C10orf67: variants seen among roughly 807,000 people sequenced by gnomAD.
C10orf67 encodes the protein chromosome 10 open reading frame 67, also known as uncharacterized protein C10orf67, mitochondrial.
C10orf67 carries 60 observed loss-of-function variants against 35.6 expected under a neutral mutation model. That is an observed-to-expected ratio of 1.68 (90% confidence interval 1.37 to 2.09). The LOEUF is 2.09. Among genes scored for constraint, C10orf67 ranks in the 30% most tolerant of loss-of-function variants. C10orf67 has a pLI of 0.00. For synonymous variants in C10orf67, 167 were observed against 115.8 expected, an observed-to-expected ratio of 1.44 and a Z score of -2.84; for missense variants, 474 against 330.2, an observed-to-expected ratio of 1.44 and a Z score of -3.38.
intron 1 of C10orf67, among the ~76,000 whole-genome samples, chr10:23,335,006 T>C (rs968470031): frequency 1.3e-5 from 2 of 152,084 alleles, no homozygotes; most frequent in Non-Finnish European, 2.9e-5. Flanking sequence ...CTGGCCAATA[T>C]GGCAAAACCC....
At position 23,206,147 on chromosome 10, in the gene C10orf67, G is replaced by A. The variant is rs117256859; in HGVS notation, c.1571-1892C>T. ...ACCTTTCACAGACCCTAAGGCAGTG[G>A]GAGGGAGCTCTTTACTAAACCGTGT... On this transcript the variant is annotated intron_variant, in intron 15 of 15. Transcript: ENST00000636213. Among the ~76,000 whole-genome samples, 312 of 152,292 alleles carry A rather than the reference G, an allele frequency of 2.0e-3. 1 individual carries two copies. Among genetic ancestry groups the A allele is most frequent in the Non-Finnish European group, 3.1e-3 (208 of 68,030 alleles).
chr10:23,337,867 C>A (rs1845747677), intron 1 of C10orf67, among the ~76,000 whole-genome samples: 1 of 152,172 alleles, frequency 6.6e-6, no homozygotes, highest in Admixed American at 6.5e-5. Context: ...CAGCCACACT[C>A]AGAAGTGACC....
intron 8 of C10orf67, among the ~76,000 whole-genome samples, chr10:23,276,458 A>G (rs1482688744): frequency 3.9e-5 from 6 of 152,014 alleles, no homozygotes; most frequent in African/African-American, 2.4e-5. Context: ...ATTGTCATAT[A>G]GTGTGCTAGA....
At position 23,344,050 on chromosome 10, in the gene C10orf67, G is replaced by A. The variant is rs1588722138; in HGVS notation, c.206+519C>T. 1.5e-5 allele frequency: 5 copies of A among 324,288 alleles called. No homozygotes were observed. In the East Asian group the frequency reaches 5.6e-4, roughly 36 times the overall value. 20.1% of individuals were successfully genotyped at this position (324,288 alleles called of 1,614,324 possible). A position where few individuals can be genotyped will look rare whatever the true frequency, so the allele number is the denominator to read the frequency against. ...GCGGAGCCGCTCGCTCTCCTGAGTC[G>A]GAGTCGGGAACCCGGCGTCCGTTGC... is the stretch of plus-strand genomic sequence containing the variant. On this transcript the variant is annotated intron_variant, in intron 1 of 15. Transcript: ENST00000636213.
At chr10:23,283,756 G>C (rs1333787064) in intron 7 of C10orf67, among the ~76,000 whole-genome samples, 2 of 151,920 alleles carry the variant, frequency 1.3e-5, no homozygotes, top group African/African-American at 2.4e-5. Context: ...TGCTCTTCTC[G>C]GGGCCATTGC....
intron 12 of C10orf67, among the ~76,000 whole-genome samples, chr10:23,245,531 TA>T (rs1842295049): frequency 6.6e-6 from 1 of 152,130 alleles, no homozygotes; most frequent in Admixed American, 6.5e-5. Flanking sequence ...CAACCTGATT[TA>T]AAAGTGAACA....
chr10:23,264,531 C>T (rs530040185), intron 10 of C10orf67, among the ~76,000 whole-genome samples: 11 of 152,242 alleles, frequency 7.2e-5, no homozygotes, highest in Admixed American at 7.2e-4. Flanking sequence ...GTTGAAATGA[C>T]ACCTTCTCAG....
At chr10:23,269,859 T>C (rs1329823031) in intron 8 of C10orf67, among the ~76,000 whole-genome samples, 1 of 152,006 alleles carries the variant, frequency 6.6e-6, no homozygotes, top group Non-Finnish European at 1.5e-5. Context: ...ATGTGCCTAA[T>C]AACAGAGCTA....
chr10:23,334,827 A>G (rs1845611962), intron 1 of C10orf67, among the ~76,000 whole-genome samples: 1 of 152,230 alleles, frequency 6.6e-6, no homozygotes, highest in Non-Finnish European at 1.5e-5. Flanking sequence ...AGTAATGCCA[A>G]GAACTGGCAC....
intron 4 of C10orf67, among the ~76,000 whole-genome samples, chr10:23,311,625 G>A (rs1348589730): frequency 6.6e-6 from 1 of 152,036 alleles, no homozygotes; most frequent in Non-Finnish European, 1.5e-5. Context: ...GCAGGAGAAT[G>A]GCTTGAACCC....
chr10:23,331,164 A>G, intron 2 of C10orf67, among the ~76,000 whole-genome samples: 2 of 148,126 alleles, frequency 1.4e-5, no homozygotes, highest in African/African-American at 2.5e-5. Flanking sequence ...AGGGAAGGGA[A>G]GGGAACCGGG....
At chr10:23,285,344 GCTATA>G (rs1197134219) in intron 7 of C10orf67, among the ~76,000 whole-genome samples, 1 of 149,070 alleles carries the variant, frequency 6.7e-6, no homozygotes, top group Non-Finnish European at 1.5e-5. Flanking sequence ...TTAGGACTCT[GCTATA>G]CTATATTATA....
Position 23,297,060 on chromosome 10 carries a change from T to TA in C10orf67, c.703-5782dup, listed in dbSNP as rs1843900457. Among the ~76,000 whole-genome samples, 7 of 152,362 alleles carry TA rather than the reference T, an allele frequency of 4.6e-5. No homozygotes were observed. The South Asian group carries it at 1.5e-3, about 32-fold the overall frequency. On this transcript the variant is annotated intron_variant, in intron 5 of 15. Transcript: ENST00000636213. The stretch of plus-strand genomic sequence containing the variant: ...GCTAGCCATCCTGAGGGAAGGCAAC[T>TA]ATGTCCTCGTGAGGTTCCCCATTCT...
At chr10:23,292,388 G>T (rs536420222) in intron 5 of C10orf67, among the ~76,000 whole-genome samples, 4 of 151,876 alleles carry the variant, frequency 2.6e-5, no homozygotes, top group African/African-American at 9.7e-5. Flanking sequence ...GGAGATAGAA[G>T]ATTCTACATG....
At chr10:23,235,757 A>T (rs1035476252) in intron 13 of C10orf67, among the ~76,000 whole-genome samples, 1 of 152,248 alleles carries the variant, frequency 6.6e-6, no homozygotes, top group Non-Finnish European at 1.5e-5. Context: ...GCTCAACGTC[A>T]TTAATTAGGG....
intron 15 of C10orf67, among the ~76,000 whole-genome samples, chr10:23,212,488 C>T (rs556047350): frequency 6.6e-6 from 1 of 152,270 alleles, no homozygotes; most frequent in Admixed American, 6.5e-5. Context: ...AACAAATTCA[C>T]TTCTTGAAGG....
chr10:23,289,111 A>C (rs1843635877), intron 7 of C10orf67, among the ~76,000 whole-genome samples: 1 of 152,166 alleles, frequency 6.6e-6, no homozygotes, highest in African/African-American at 2.4e-5. Context: ...CTGAGATCCT[A>C]CTGCATTCAA....
chr10:23,266,071 T>G (rs1440550702), intron 10 of C10orf67, among the ~76,000 whole-genome samples, 191 bp downstream of exon 10: 1 of 152,234 alleles, frequency 6.6e-6, no homozygotes, highest in African/African-American at 2.4e-5. Context: ...GGCATACTGA[T>G]GACTTCATCT....
At chr10:23,344,327 A>G (rs1335372668) in intron 1 of C10orf67, 12 of 523,102 alleles carry the variant, frequency 2.3e-5, no homozygotes, top group East Asian at 1.6e-4. Context: ...ATGGGGAGGG[A>G]GCACGCGCGG....
Sources: gnomAD v4.1 joint callset for allele counts (sites outside exome capture counted in the v4.1 genomes callset) on GRCh38, gnomAD v4.1.1 for gene constraint, MANE v1.5 for transcripts, NCBI Gene and HGNC (gene_info 2026-07-23, HGNC 2026-07-21) for gene names.